NAALADL2: variants seen among roughly 807,000 people sequenced by gnomAD.
NAALADL2 encodes the protein N-acetylated alpha-linked acidic dipeptidase like 2.
A neutral mutation model predicts 87.2 loss-of-function variants in NAALADL2; 76 were observed. The ratio of observed to expected loss-of-function variants is 0.87; its 90% confidence interval spans 0.72 to 1.05. The LOEUF (loss-of-function observed/expected upper bound fraction) is 1.05. Among genes scored for constraint, NAALADL2 ranks in the 50% least tolerant of loss-of-function variants. The pLI is 0.00. For synonymous variants in NAALADL2, 354 were observed against 331.0 expected (o/e 1.07, Z -0.75); for missense variants, 1,089 against 945.8 (o/e 1.15, Z -1.99).
intron 11 of NAALADL2, among the ~76,000 whole-genome samples, chr3:175,632,304 CTCT>C (rs1560885037): frequency 7.2e-6 from 1 of 139,374 alleles, no homozygotes; most frequent in Non-Finnish European, 1.6e-5. Context: ...CTCTCTCTCT[CTCT>C]CTCCTACTCC....
At position 175,368,572 on chromosome 3, in the gene NAALADL2, A is replaced by AGTGT. The variant is rs3068008; in HGVS notation, c.1090+44268_1090+44271dup. ...GAAAGGACTGTAGCAGGTGTGTGTG[A>AGTGT]GTGTGTGTGTGTGTGTGTGTGTGTT... On this transcript the variant is annotated intron_variant, in intron 5 of 13. Coordinates refer to ENST00000454872, the MANE Select transcript of NAALADL2 (RefSeq NM_207015.3). Among the ~76,000 whole-genome samples the AGTGT allele has an allele frequency of 8.5e-3, 1,268 of 149,622 alleles. 11 individuals are homozygous for AGTGT. The highest frequency in any genetic ancestry group is 0.026 in the African/African-American group (1,047 of 40,732).
intron 5 of NAALADL2, among the ~76,000 whole-genome samples, chr3:175,430,172 T>C (rs1717514266): frequency 6.6e-6 from 1 of 151,946 alleles, no homozygotes; most frequent in Non-Finnish European, 1.5e-5. Flanking sequence ...ATATTCTGAT[T>C]TTATATTCTT....
intron 2 of NAALADL2, among the ~76,000 whole-genome samples, chr3:175,197,178 G>GTACTACAATTAATT (rs1221932724): frequency 1.3e-5 from 2 of 151,908 alleles, no homozygotes; most frequent in African/African-American, 2.4e-5. Context: ...CATAGAATAT[G>GTACTACAATTAATT]TACTACAATT....
rs187504644 is a variant in NAALADL2 at position 175,166,714 on chromosome 3, C to G, written c.546-67217C>G. On this transcript the variant is annotated intron_variant, in intron 2 of 13. Coordinates refer to ENST00000454872, the MANE Select transcript of NAALADL2 (RefSeq NM_207015.3). ...TAGCTACGTCTTTCTGCTGATTACA[C>G]CTATATTTATATACCTGCCCCTGTT... is the stretch of plus-strand genomic sequence containing the variant. 8.0e-4 allele frequency among the ~76,000 whole-genome samples: 122 copies of G among 152,134 alleles called. 1 individual carries two copies. Among genetic ancestry groups the G allele is most frequent in the African/African-American group, 2.6e-3 (109 of 41,528 alleles).
intron 2 of NAALADL2, among the ~76,000 whole-genome samples, chr3:175,227,328 T>C (rs561730370): frequency 6.6e-6 from 1 of 152,072 alleles, no homozygotes; most frequent in South Asian, 2.1e-4. Flanking sequence ...CTCCCATTTC[T>C]AATCTCCATT....
chr3:175,577,611 C>T (rs1169351481), intron 10 of NAALADL2, among the ~76,000 whole-genome samples: 1 of 152,036 alleles, frequency 6.6e-6, no homozygotes, highest in Non-Finnish European at 1.5e-5. Flanking sequence ...TCTGAAGGAT[C>T]CAATCGTTTT....
At chr3:174,934,375 A>G (rs1737360795) in intron 1 of NAALADL2, among the ~76,000 whole-genome samples, 1 of 152,146 alleles carries the variant, frequency 6.6e-6, no homozygotes, top group Admixed American at 6.5e-5. Context: ...CTCAGATCTC[A>G]CTTTTGGGAA....
At chr3:175,551,757 G>C (rs1315641308) in intron 9 of NAALADL2, among the ~76,000 whole-genome samples, 1 of 151,998 alleles carries the variant, frequency 6.6e-6, no homozygotes, top group Admixed American at 6.6e-5. Context: ...AATTAGCCGG[G>C]CATGTTGGCA....
In NAALADL2 at chr3:175,787,584, C is replaced by G. The variant is rs910265490; in HGVS notation, c.2190-15421C>G. Among the ~76,000 whole-genome samples, 146 of 152,220 alleles carry G rather than the reference C, an allele frequency of 9.6e-4. 1 individual carries two copies. Among genetic ancestry groups the G allele is most frequent in the African/African-American group, 8.9e-4 (37 of 41,550 alleles). On this transcript the variant is annotated intron_variant, in intron 13 of 13. Transcript: ENST00000454872. Reference sequence around the variant, plus strand: ...CCTGCTTCGGCTCGCGCACGGTGCGCGCACCCACTGACCTGCGCCCACTGT... The same window carrying G: ...CCTGCTTCGGCTCGCGCACGGTGCGGGCACCCACTGACCTGCGCCCACTGT...
intron 2 of NAALADL2, among the ~76,000 whole-genome samples, chr3:175,123,959 AT>A (rs879309142): frequency 2.0e-5 from 3 of 151,668 alleles, no homozygotes; most frequent in East Asian, 1.9e-4. Context: ...TTGCAAAGGG[AT>A]AGTTTTTTTC....
chr3:174,474,264 C>T (rs929910889), intron 1 of NAALADL2, among the ~76,000 whole-genome samples: 18 of 152,092 alleles, frequency 1.2e-4, no homozygotes, highest in African/African-American at 3.6e-4. Context: ...CTCAGGCCAT[C>T]GATTCACAAA....
intron 1 of NAALADL2, among the ~76,000 whole-genome samples, chr3:175,055,002 A>G (rs574503094): frequency 2.0e-5 from 3 of 152,284 alleles, no homozygotes; most frequent in Middle Eastern, 3.4e-3. Context: ...AACTCCAACT[A>G]TGTTAAATTG....
At chr3:174,669,318 C>T (rs1359722319) in intron 2 of NAALADL2, among the ~76,000 whole-genome samples, 1 of 151,932 alleles carries the variant, frequency 6.6e-6, no homozygotes, top group Non-Finnish European at 1.5e-5. Flanking sequence ...GATATTAGCC[C>T]TTTGTCAGAT....
At chr3:175,708,518 T>TA (rs1740056595) in intron 11 of NAALADL2, among the ~76,000 whole-genome samples, 1 of 151,348 alleles carries the variant, frequency 6.6e-6, no homozygotes, top group Admixed American at 6.6e-5. Flanking sequence ...AATATAATAA[T>TA]AAACAGACCA....
chr3:174,851,535 T>TTTAACAGAATGAAGG (rs1725265413), intron 3 of NAALADL2, among the ~76,000 whole-genome samples: 5 of 152,144 alleles, frequency 3.3e-5, no homozygotes, highest in African/African-American at 1.2e-4. Flanking sequence ...GATAAATTCC[T>TTTAACAGAATGAAGG]AGACATGTCC....
intron 1 of NAALADL2, among the ~76,000 whole-genome samples, chr3:174,472,901 G>A (rs1716990462): frequency 1.3e-5 from 2 of 151,960 alleles, no homozygotes; most frequent in South Asian, 2.1e-4. Flanking sequence ...TGTTTATTGT[G>A]CAGTATCATT....
At chr3:175,740,492 T>G (rs559514822) in intron 12 of NAALADL2, among the ~76,000 whole-genome samples, 9 of 152,162 alleles carry the variant, frequency 5.9e-5, no homozygotes, top group Non-Finnish European at 1.2e-4. Flanking sequence ...TCCTAGTCTC[T>G]CGATGTTTAT....
intron 2 of NAALADL2, among the ~76,000 whole-genome samples, chr3:174,628,494 A>G (rs867056720): frequency 1.3e-5 from 2 of 150,918 alleles, no homozygotes; most frequent in Admixed American, 6.6e-5. Flanking sequence ...AAAAAAAAAA[A>G]AAAGATTATC....
At chr3:174,615,652 A>G (rs1720388232) in intron 2 of NAALADL2, among the ~76,000 whole-genome samples, 1 of 151,918 alleles carries the variant, frequency 6.6e-6, no homozygotes, top group Non-Finnish European at 1.5e-5. Context: ...CCTGAAAGTG[A>G]CCTTGGTATA....
Sources: gnomAD v4.1 joint callset for allele counts (sites outside exome capture counted in the v4.1 genomes callset) on GRCh38, gnomAD v4.1.1 for gene constraint, MANE v1.5 for transcripts, NCBI Gene and HGNC (gene_info 2026-07-23, HGNC 2026-07-21) for gene names.